The following TMEM132E variants were observed in gnomAD, a reference collection of about 807,000 sequenced individuals.
TMEM132E encodes the protein transmembrane protein 132E.
In TMEM132E, 49 loss-of-function variants were observed where a neutral mutation model predicts 78.5. The observed-to-expected ratio is 0.62, with a 90% confidence interval of 0.50 to 0.79. TMEM132E has a LOEUF of 0.79. Among genes scored for constraint, TMEM132E ranks in the 30% least tolerant of loss-of-function variants. TMEM132E has a pLI of 0.00. For synonymous variants in TMEM132E, 715 were observed against 670.6 expected (o/e 1.07, Z -1.02); for missense variants, 1,403 against 1,470.9 (o/e 0.95, Z 0.75).
chr17:34,625,542 G>T (rs1160438349), intron 1 of TMEM132E, among the ~76,000 whole-genome samples: 1 of 152,168 alleles, frequency 6.6e-6, no homozygotes, highest in Non-Finnish European at 1.5e-5. Flanking sequence ...TAAGATGTTA[G>T]GATTGGCACT....
At chr17:34,593,817 G>T (rs1273529375) in intron 1 of TMEM132E, among the ~76,000 whole-genome samples, 2 of 152,332 alleles carry the variant, frequency 1.3e-5, no homozygotes, top group Middle Eastern at 3.4e-3. Flanking sequence ...GAGAGCCAAA[G>T]TCCTCACAGT....
chr17:34,631,714 A>G (rs1327227030), intron 5 of TMEM132E, among the ~76,000 whole-genome samples: 1 of 152,098 alleles, frequency 6.6e-6, no homozygotes, highest in Non-Finnish European at 1.5e-5. Flanking sequence ...TGGATAAACC[A>G]TAGTCCCAGA....
At chr17:34,601,755 T>C (rs9902297) in intron 1 of TMEM132E, among the ~76,000 whole-genome samples, 103,408 of 152,048 alleles carry the variant, frequency 0.68, 35,516 homozygotes, top group East Asian at 0.85. Context: ...GGAGGCAGTC[T>C]CCTGGCTACA....
Position 34,626,857 on chromosome 17 carries a change from C to T in TMEM132E, c.798C>T (p.His266=), listed in dbSNP as rs779013616. 5 of 1,603,572 alleles carry T rather than the reference C, an allele frequency of 3.1e-6. No homozygotes were observed. The highest frequency in any genetic ancestry group is 2.7e-5 in the African/African-American group (2 of 74,728). ...VGARAESPTQ[H]PLLRIGSISL... ...CCCGAGCGGAAAGCCCTACCCAGCA[C>T]CCCCTGCTGCGCATCGGGAGCATCA... Residue 266 remains histidine, a synonymous_variant, in exon 2 of 9, where the codon CAC becomes CAT. Transcript: ENST00000631683.
chr17:34,628,968 C>T (rs770088068), intron 3 of TMEM132E, 44 bp from the exon 4 acceptor site: 2 of 1,516,834 alleles, frequency 1.3e-6, no homozygotes, highest in African/African-American at 1.4e-5. Flanking sequence ...GGGCTGCTCC[C>T]AGCCCTTCAT....
At chr17:34,607,675 C>T (rs1004134727) in intron 1 of TMEM132E, among the ~76,000 whole-genome samples, 4 of 152,146 alleles carry the variant, frequency 2.6e-5, no homozygotes, top group South Asian at 2.1e-4. Flanking sequence ...CTGTCTGACT[C>T]GGCTACGACG....
chr17:34,581,579 C>T (rs1356478813), intron 1 of TMEM132E, among the ~76,000 whole-genome samples: 4 of 149,260 alleles, frequency 2.7e-5, no homozygotes, highest in East Asian at 2.0e-4. Flanking sequence ...CAGGCCGGTG[C>T]GGGGCCGCGC....
At chr17:34,612,866 G>A (rs184575642) in intron 1 of TMEM132E, among the ~76,000 whole-genome samples, 1 of 152,038 alleles carries the variant, frequency 6.6e-6, no homozygotes, top group Non-Finnish European at 1.5e-5. Flanking sequence ...TCCGTCACTG[G>A]GGGGGGCAGT....
chr17:34,600,772 C>T (rs984711472), intron 1 of TMEM132E, among the ~76,000 whole-genome samples: 7 of 152,112 alleles, frequency 4.6e-5, no homozygotes, highest in East Asian at 3.9e-4. Context: ...GCACCTTGCA[C>T]GTGGCCTTTC....
chr17:34,600,356 C>G (rs755917132), intron 1 of TMEM132E, among the ~76,000 whole-genome samples: 1 of 151,862 alleles, frequency 6.6e-6, no homozygotes, highest in Non-Finnish European at 1.5e-5. Context: ...AAATGTGTTT[C>G]CAAGCTCTAA....
chr17:34,611,251 C>G (rs140367241), intron 1 of TMEM132E, among the ~76,000 whole-genome samples: 29 of 152,222 alleles, frequency 1.9e-4, no homozygotes, highest in African/African-American at 5.5e-4. Context: ...GAAGGGAACT[C>G]AAGAGCAGGC....
At chr17:34,605,886 C>A (rs1045065842) in intron 1 of TMEM132E, among the ~76,000 whole-genome samples, 1 of 152,142 alleles carries the variant, frequency 6.6e-6, no homozygotes, top group Non-Finnish European at 1.5e-5. Flanking sequence ...CCCAATTGTG[C>A]GAGCATGTTT....
chr17:34,621,500 G>A (rs1000691718), intron 1 of TMEM132E, among the ~76,000 whole-genome samples: 1 of 152,172 alleles, frequency 6.6e-6, no homozygotes, highest in South Asian at 2.1e-4. Context: ...CTGAGATACG[G>A]AGGGTTAGGA....
rs76336574 is a variant in TMEM132E, at chr17:34,582,661, C to T, written c.67+1518C>T. On this transcript the variant is annotated intron_variant, in intron 1 of 8. Coordinates refer to ENST00000631683, the MANE Select transcript of TMEM132E (RefSeq NM_001304438.2). ...GCGGGGAACCAGAAATCTCTAGGCT[C>T]TGTGTGCAACACTGAGAATGAAGGT... Among the ~76,000 whole-genome samples, 340 of 152,184 alleles carry T rather than the reference C, an allele frequency of 2.2e-3. 2 individuals are homozygous for T. The highest frequency in any genetic ancestry group is 7.7e-3 in the African/African-American group (320 of 41,536).
chr17:34,627,467 C>CGTGTGTGTGTGTGTGTGT (rs145658598), intron 2 of TMEM132E, among the ~76,000 whole-genome samples: 5,976 of 126,368 alleles, frequency 0.047, 268 homozygotes, highest in Admixed American at 0.07. Context: ...CCAAAAGAAT[C>CGTGTGTGTGTGTGTGTGT]GTGTGTGTGT....
intron 1 of TMEM132E, among the ~76,000 whole-genome samples, chr17:34,619,293 A>C (rs180959070): frequency 2.3e-4 from 35 of 151,698 alleles, no homozygotes; most frequent in Non-Finnish European, 7.4e-5. Context: ...AACTATCAGC[A>C]ACGCCAACGT....
chr17:34,634,674 G>A, intron 6 of TMEM132E, 125 bp from the exon 7 acceptor site: 1 of 1,179,888 alleles, frequency 8.5e-7, no homozygotes, highest in African/African-American at 1.5e-5. Flanking sequence ...GAGCCATAGA[G>A]GAAGCTTGCT....
intron 1 of TMEM132E, among the ~76,000 whole-genome samples, chr17:34,589,167 C>G (rs541960845): frequency 6.6e-6 from 1 of 152,188 alleles, no homozygotes; most frequent in Non-Finnish European, 1.5e-5. Context: ...TTGGCAAAGA[C>G]GTTAAGGAGG....
At chr17:34,612,476 A>G (rs1906624885) in intron 1 of TMEM132E, among the ~76,000 whole-genome samples, 2 of 152,182 alleles carry the variant, frequency 1.3e-5, no homozygotes, top group Non-Finnish European at 2.9e-5. Flanking sequence ...GCCCCCACTC[A>G]GAGGTAGGAG....
Sources: gnomAD v4.1 joint callset for allele counts (sites outside exome capture counted in the v4.1 genomes callset) on GRCh38, gnomAD v4.1.1 for gene constraint, MANE v1.5 for transcripts, NCBI Gene and HGNC (gene_info 2026-07-23, HGNC 2026-07-21) for gene names.